DYNC2I2: variants seen among roughly 807,000 people sequenced by gnomAD.
The protein encoded by DYNC2I2 is dynein 2 intermediate chain 2.
Under a neutral mutation model 52.0 loss-of-function variants are expected in DYNC2I2, and 39 were observed. The ratio of observed to expected loss-of-function variants is 0.75; its 90% CI spans 0.58 to 0.98. The LOEUF is 0.98. DYNC2I2 is among the 50% of genes least tolerant of loss of function. DYNC2I2 has a pLI of 0.00. For synonymous variants in DYNC2I2, 359 were observed against 321.1 expected (o/e 1.12, Z -1.26); for missense variants, 743 against 728.4 (o/e 1.02, Z -0.23).
intron 1 of DYNC2I2, among the ~76,000 whole-genome samples, chr9:128,647,408 C>A (rs549961357): frequency 6.6e-6 from 1 of 152,096 alleles, no homozygotes; most frequent in Non-Finnish European, 1.5e-5. Context: ...GTGTCAAGGA[C>A]GCTAGGCCCA....
the DYNC2I2 span, among the ~76,000 whole-genome samples, chr9:128,669,358 C>CT: frequency 6.7e-6 from 1 of 149,306 alleles, no homozygotes; most frequent in Non-Finnish European, 1.5e-5. Flanking sequence ...GAGCGAGACT[C>CT]TGTCTCAAAA....
chr9:128,673,830 T>C, the DYNC2I2 span, among the ~76,000 whole-genome samples: 12 of 136,250 alleles, frequency 8.8e-5, no homozygotes, highest in African/African-American at 3.5e-4. Flanking sequence ...TTTTTTGAGA[T>C]GAAGTTTCAC....
chr9:128,640,799 T>C lies in DYNC2I2; in HGVS notation c.327A>G (p.Ala109=). 6.2e-7 allele frequency: 1 copy of C among 1,614,188 alleles called. No individual in the cohort carries two copies. The highest frequency in any genetic ancestry group is 8.5e-7 in the Non-Finnish European group (1 of 1,180,044). Residue 109 remains alanine, a synonymous_variant, in exon 2 of 9, where the codon GCA becomes GCG. Transcript: ENST00000372715. The part of the protein sequence containing the change: ...PPSQYDIPRL[A]AFLRRVEAMV... The stretch of plus-strand genomic sequence containing the variant: ...TGGCCTCCACTCTCCGAAGAAAGGC[T>C]GCGAGCCTGGGTATGTCATACTGGG...
the DYNC2I2 span, among the ~76,000 whole-genome samples, chr9:128,677,515 G>A: frequency 1.3e-5 from 2 of 151,884 alleles, no homozygotes; most frequent in Non-Finnish European, 2.9e-5. Flanking sequence ...AAAATGCACA[G>A]GCTAGGCACA....
In DYNC2I2 at chr9:128,633,756, C is replaced by T. The variant is rs144007463; in HGVS notation, c.1599G>A (p.Glu533=). 1 of 1,613,240 alleles carries T rather than the reference C, an allele frequency of 6.2e-7. No homozygotes were observed. Among genetic ancestry groups the T allele is most frequent in the Non-Finnish European group, 8.5e-7 (1 of 1,180,014 alleles). The change falls in exon 9 of 9, where the codon GAG becomes GAA. Residue 533 remains glutamate, a synonymous_variant. Coordinates refer to ENST00000372715, the MANE Select transcript of DYNC2I2 (RefSeq NM_052844.4). ...EAEDLDCLAA[E]VAA ...CTCCCGGGACCCCTCAGGCCGCCAC[C>T]TCTGCTGCCAGGCAGTCCAGGTCCT... is the stretch of plus-strand genomic sequence containing the variant.
intron 1 of DYNC2I2, among the ~76,000 whole-genome samples, chr9:128,643,341 A>C (rs1860553167): frequency 6.6e-6 from 1 of 152,116 alleles, no homozygotes; most frequent in South Asian, 2.1e-4. Flanking sequence ...CCTGGCCAAG[A>C]TGGTGAAACC....
the DYNC2I2 span, among the ~76,000 whole-genome samples, chr9:128,671,821 T>C: frequency 6.7e-6 from 1 of 148,882 alleles, no homozygotes; most frequent in Non-Finnish European, 1.5e-5. Flanking sequence ...CCGGCTAATT[T>C]TTTTTGTATT....
At chr9:128,635,456 TCG>T in intron 5 of DYNC2I2, 197 bp from the exon 6 acceptor site, 4 of 796,064 alleles carry the variant, frequency 5.0e-6, no homozygotes, top group Non-Finnish European at 7.8e-6. Flanking sequence ...CGCTGCTCAC[TCG>T]GTGCCTGCAG....
chr9:128,665,908 TAAA>T, the DYNC2I2 span, among the ~76,000 whole-genome samples: 3 of 115,226 alleles, frequency 2.6e-5, no homozygotes, highest in African/African-American at 6.2e-5. Flanking sequence ...CCGTCTCTAC[TAAA>T]AAAAAAAAAA....
the DYNC2I2 span, among the ~76,000 whole-genome samples, chr9:128,677,630 T>C: frequency 6.7e-6 from 1 of 150,230 alleles, no homozygotes; most frequent in Non-Finnish European, 1.5e-5. Flanking sequence ...AAACCCCGTC[T>C]CTACTAAAAA....
At chr9:128,661,304 C>CAAAAAAAAAAAAA (rs34937317), upstream of DYNC2I2, among the ~76,000 whole-genome samples, 3 of 62,232 alleles carry the variant, frequency 4.8e-5, no homozygotes, top group Non-Finnish European at 7.2e-5. Context: ...GACTCCATCT[C>CAAAAAAAAAAAAA]AAAAAAAAAA....
intron 1 of DYNC2I2, among the ~76,000 whole-genome samples, chr9:128,649,709 A>AC (rs57897076): frequency 4.9e-5 from 7 of 142,158 alleles, no homozygotes; most frequent in Non-Finnish European, 1.1e-4. Flanking sequence ...AAAAAAAAAA[A>AC]CTGGGCCAGG....
intron 8 of DYNC2I2, 41 bp from the exon 9 acceptor site, chr9:128,634,023 G>A (rs758740577): frequency 5.0e-6 from 8 of 1,605,878 alleles, no homozygotes; most frequent in Non-Finnish European, 5.1e-6. Context: ...AGAAACTCTA[G>A]AGACCAACCA....
At chr9:128,681,889 G>A in the DYNC2I2 span, among the ~76,000 whole-genome samples, 4 of 152,042 alleles carry the variant, frequency 2.6e-5, no homozygotes, top group African/African-American at 7.2e-5. Flanking sequence ...CCTGGCCAAC[G>A]TGGTGAAAAC....
the DYNC2I2 span, among the ~76,000 whole-genome samples, chr9:128,677,096 C>T: frequency 5.9e-5 from 9 of 151,938 alleles, no homozygotes; most frequent in Admixed American, 5.9e-4. Flanking sequence ...GATCCACCTG[C>T]CTCAGCCTCC....
Position 128,634,254 on chromosome 9 carries a change from G to C in DYNC2I2, c.1344C>G (p.Pro448=), listed in dbSNP as rs1454771579. The change falls in exon 8 of 9, where the codon CCC becomes CCG. Residue 448 remains proline (P), a synonymous_variant. Transcript: ENST00000372715. ...LFAVRWSPVR[P]LVFAAASGKG... ...TCCCAGAGGCAGCTGCAAAAACCAA[G>C]GGCCGCACTGGGGACCAGCGCACAG... is the stretch of plus-strand genomic sequence containing the variant. The C allele has an allele frequency of 6.2e-7, 1 of 1,613,876 alleles. No homozygotes were observed. The highest frequency in any genetic ancestry group is 8.5e-7 in the Non-Finnish European group (1 of 1,180,022).
the DYNC2I2 span, among the ~76,000 whole-genome samples, chr9:128,678,846 G>C: frequency 3.3e-5 from 5 of 151,896 alleles, no homozygotes; most frequent in African/African-American, 1.2e-4. Flanking sequence ...GAGGCGAGCA[G>C]ATCATGAGGT....
At chr9:128,647,282 C>G (rs1398415356) in intron 1 of DYNC2I2, among the ~76,000 whole-genome samples, 1 of 152,218 alleles carries the variant, frequency 6.6e-6, no homozygotes, top group African/African-American at 2.4e-5. Flanking sequence ...CCATGCCAGG[C>G]AGTGTGTGAC....
At chr9:128,682,859 G>T in the DYNC2I2 span, among the ~76,000 whole-genome samples, 5 of 146,318 alleles carry the variant, frequency 3.4e-5, no homozygotes, top group East Asian at 1.1e-3. Context: ...TGTATTTTTA[G>T]TAGAGACGGG....
Sources: allele counts gnomAD v4.1 joint callset (sites outside exome capture counted in the v4.1 genomes callset), GRCh38; gene constraint gnomAD v4.1.1; transcripts MANE v1.5; gene names NCBI Gene and HGNC (gene_info 2026-07-23, HGNC 2026-07-21).